Variants in DSTYK observed in about 807,000 individuals in gnomAD.
The protein encoded by DSTYK is RIP-homologous kinase.
A neutral mutation model predicts 98.7 loss-of-function variants in DSTYK; 34 were observed. The ratio of observed to expected loss-of-function variants is 0.34; its 90% CI spans 0.26 to 0.46. The LOEUF is 0.46. Among genes scored for constraint, DSTYK ranks in the 20% least tolerant of loss-of-function variants. DSTYK has a pLI of 1.00. For synonymous variants in DSTYK, 462 were observed against 457.3 expected, an observed-to-expected ratio of 1.01 and a Z score of -0.13; for missense variants, 962 against 1,181.7, an observed-to-expected ratio of 0.81 and a Z score of 2.73.
intron 1 of DSTYK, among the ~76,000 whole-genome samples, chr1:205,200,028 A>G (rs1658980410): frequency 6.6e-6 from 1 of 151,992 alleles, no homozygotes; most frequent in Admixed American, 6.6e-5. Context: ...TGGGCAGAAC[A>G]TTTCAACTCT....
At chr1:205,200,185 TA>T (rs1343297533) in intron 1 of DSTYK, among the ~76,000 whole-genome samples, 1 of 151,800 alleles carries the variant, frequency 6.6e-6, no homozygotes, top group East Asian at 1.9e-4. Context: ...TACAGGCGCC[TA>T]CCACCGCGAC....
intron 9 of DSTYK, among the ~76,000 whole-genome samples, chr1:205,157,672 G>T (rs1657602622): frequency 6.6e-6 from 1 of 150,524 alleles, no homozygotes; most frequent in Non-Finnish European, 1.5e-5. Flanking sequence ...TGAGGCAGGA[G>T]AATCACTTGA....
intron 1 of DSTYK, among the ~76,000 whole-genome samples, chr1:205,200,633 C>T (rs1450917787): frequency 6.6e-6 from 1 of 152,164 alleles, no homozygotes; most frequent in Non-Finnish European, 1.5e-5. Context: ...TCCTTCATAA[C>T]ATCAATTTGG....
intron 2 of DSTYK, among the ~76,000 whole-genome samples, chr1:205,176,998 G>T (rs1658252219): frequency 6.6e-6 from 1 of 151,820 alleles, no homozygotes; most frequent in East Asian, 1.9e-4. Context: ...TTGAGCCCAG[G>T]AGTTCGAGAC....
At chr1:205,167,410 A>T (rs1657922187) in intron 3 of DSTYK, among the ~76,000 whole-genome samples, 1 of 152,188 alleles carries the variant, frequency 6.6e-6, no homozygotes, top group Non-Finnish European at 1.5e-5. Context: ...AAAAATAAAA[A>T]AAGAAGGAGA....
intron 1 of DSTYK, among the ~76,000 whole-genome samples, chr1:205,203,303 T>TCTCTAC (rs1659095693): frequency 6.8e-6 from 1 of 146,098 alleles, no homozygotes; most frequent in African/African-American, 2.5e-5. Context: ...GCCAAAACGG[T>TCTCTAC]GAAACCCCGT....
At chr1:205,210,514 G>A (rs558844733) in intron 1 of DSTYK, among the ~76,000 whole-genome samples, 14 of 152,298 alleles carry the variant, frequency 9.2e-5, no homozygotes, top group African/African-American at 3.4e-4. Flanking sequence ...GAAGCAAGAC[G>A]TTAGGAAAGA....
chr1:205,169,943 C>T lies in DSTYK; in HGVS notation c.655-111G>A. 9.8e-7 allele frequency: 1 copy of T among 1,015,450 alleles called. No homozygotes were observed. Among genetic ancestry groups the T allele is most frequent in the Non-Finnish European group, 1.4e-6 (1 of 711,700 alleles). The allele number at this position is 1,015,450 out of a possible 1,614,324, so 62.9% of individuals were successfully genotyped here. On this transcript the variant is annotated intron_variant, in intron 2 of 12. Coordinates refer to ENST00000367162, the MANE Select transcript of DSTYK (RefSeq NM_015375.3). This position sits in a 1 kb window ranked among gnomAD's most constrained non-coding sequence, Gnocchi z 4.0. Reference sequence around the variant, plus strand: ...CCTGATCTACAATGGAACAATTGGACTTCGGTACCCCAGCCATTGATCCAC... The same window carrying T: ...CCTGATCTACAATGGAACAATTGGATTTCGGTACCCCAGCCATTGATCCAC...
chr1:205,171,062 A>C (rs1193226625), intron 2 of DSTYK, among the ~76,000 whole-genome samples: 1 of 150,904 alleles, frequency 6.6e-6, no homozygotes, highest in East Asian at 1.9e-4. Flanking sequence ...CTCTATCTTT[A>C]AGTTCCTGGT....
At chr1:205,198,510 T>C (rs547928440) in intron 1 of DSTYK, among the ~76,000 whole-genome samples, 4 of 152,198 alleles carry the variant, frequency 2.6e-5, no homozygotes, top group Non-Finnish European at 5.9e-5. Flanking sequence ...TTCCCCCACA[T>C]TCCTCCTTGC....
intron 1 of DSTYK, among the ~76,000 whole-genome samples, chr1:205,210,311 CT>C (rs922038123): frequency 6.6e-6 from 1 of 152,134 alleles, no homozygotes; most frequent in African/African-American, 2.4e-5. Flanking sequence ...TAATACGCCC[CT>C]GGGGTGAGTT....
Position 205,211,459 on chromosome 1 carries a change from T to A in DSTYK, c.77A>T (p.Glu26Val), listed in dbSNP as rs1323512302. ...GTAGCGGCCGAAGCCCCGGCACAGC[T>A]CGCGGATCATTCCGCCGCCGCCGGG... ...PGPGGGGMIR[E>V]LCRGFGRYRR... Residue 26 changes from glutamate to valine, a missense_variant, in exon 1 of 13, where the codon GAG becomes GTG. Glu to Val is a moderately radical substitution (Grantham distance 121). Coordinates refer to ENST00000367162, the MANE Select transcript of DSTYK (RefSeq NM_015375.3). 3.8e-6 allele frequency: 6 copies of A among 1,595,016 alleles called. No homozygotes were observed. The Middle Eastern group carries it at 5.0e-4, about 133-fold the overall frequency.
At chr1:205,149,902 C>T (rs1657353712) in intron 11 of DSTYK, among the ~76,000 whole-genome samples, 1 of 152,182 alleles carries the variant, frequency 6.6e-6, no homozygotes. Context: ...TCTTTAGCCT[C>T]CAGAATTTTC....
At chr1:205,159,218 T>C (rs545520517) in intron 9 of DSTYK, among the ~76,000 whole-genome samples, 11 of 152,238 alleles carry the variant, frequency 7.2e-5, no homozygotes, top group Non-Finnish European at 1.3e-4. Context: ...CACCCTCAAG[T>C]AGCTGGGACT....
At chr1:205,191,731 C>T (rs562803638) in intron 1 of DSTYK, among the ~76,000 whole-genome samples, 36 of 152,286 alleles carry the variant, frequency 2.4e-4, no homozygotes, top group African/African-American at 8.4e-4. Flanking sequence ...ACAGTGCAGT[C>T]TTAGCAGTTC....
At chr1:205,211,208 G>C in intron 1 of DSTYK, 63 bp downstream of exon 1, 3 of 1,518,034 alleles carry the variant, frequency 2.0e-6, no homozygotes, top group South Asian at 2.6e-5. Flanking sequence ...TGCAGGGCAG[G>C]GGTGCGGTCC....
chr1:205,160,731 T>A (rs1657693679), intron 7 of DSTYK, among the ~76,000 whole-genome samples: 1 of 152,100 alleles, frequency 6.6e-6, no homozygotes, highest in Admixed American at 6.5e-5. Flanking sequence ...CAATAGAAAA[T>A]AATCTAACTG....
chr1:205,147,868 G>T (rs1021795104), intron 12 of DSTYK, 123 bp from the exon 13 acceptor site: 2 of 940,402 alleles, frequency 2.1e-6, no homozygotes, highest in Non-Finnish European at 3.2e-6. Context: ...AAGGAGTTTT[G>T]ACTTCGATTG....
chr1:205,203,728 C>G (rs1381683334), intron 1 of DSTYK, among the ~76,000 whole-genome samples: 1 of 151,814 alleles, frequency 6.6e-6, no homozygotes, highest in African/African-American at 2.4e-5. Flanking sequence ...CCAGCCTGAC[C>G]AATATGGTGA....
Sources: allele counts gnomAD v4.1 joint callset (sites outside exome capture counted in the v4.1 genomes callset), GRCh38; gene constraint gnomAD v4.1.1; non-coding constraint Gnocchi (gnomAD v3.1); transcripts MANE v1.5; gene names NCBI Gene and HGNC (gene_info 2026-07-23, HGNC 2026-07-21).